Variants in PCDH9 observed in about 807,000 individuals in gnomAD.
PCDH9 encodes protocadherin 9.
PCDH9 carries 24 observed loss-of-function variants against 70.6 expected under a neutral mutation model. The ratio of observed to expected loss-of-function variants is 0.34; its 90% CI spans 0.25 to 0.48. PCDH9 has a LOEUF of 0.48. Among genes scored for constraint, PCDH9 ranks in the 20% least tolerant of loss-of-function variants. The probability of loss-of-function intolerance (pLI) is 0.99; values close to 1 mark genes in which losing one functional copy is unlikely to be tolerated. For missense variants in PCDH9, 1,281 were observed against 1,503.6 expected (o/e 0.85, Z 2.45); for synonymous variants, 562 against 558.5 (o/e 1.01, Z -0.09).
At chr13:66,878,191 A>G (rs2081853554) in intron 3 of PCDH9, among the ~76,000 whole-genome samples, 1 of 151,794 alleles carries the variant, frequency 6.6e-6, no homozygotes, top group South Asian at 2.1e-4. Context: ...GGGCCGTGGG[A>G]CTAATTTTTT....
At chr13:66,434,220 A>AT (rs768715814) in intron 4 of PCDH9, among the ~76,000 whole-genome samples, 1 of 151,930 alleles carries the variant, frequency 6.6e-6, no homozygotes, top group Non-Finnish European at 1.5e-5. Flanking sequence ...TTATGGTATG[A>AT]TTTTACATGA....
chr13:66,568,464 C>T (rs1056501782), intron 4 of PCDH9, among the ~76,000 whole-genome samples: 12 of 148,724 alleles, frequency 8.1e-5, no homozygotes, highest in Non-Finnish European at 1.6e-4. Context: ...CACTGATAAA[C>T]TGACTCAAAA....
chr13:66,642,573 T>G (rs993798903), intron 3 of PCDH9, among the ~76,000 whole-genome samples: 2 of 152,076 alleles, frequency 1.3e-5, no homozygotes, highest in Non-Finnish European at 2.9e-5. Context: ...TTTATGGTTT[T>G]GAATTGTTTT....
chr13:66,566,423 C>T (rs1195156415), intron 4 of PCDH9, among the ~76,000 whole-genome samples: 2 of 152,094 alleles, frequency 1.3e-5, no homozygotes, highest in East Asian at 1.9e-4. Flanking sequence ...AGAAGCAAGT[C>T]TCCCTTAGAT....
chr13:67,116,075 T>C (rs1200195364), intron 2 of PCDH9, among the ~76,000 whole-genome samples: 3 of 152,170 alleles, frequency 2.0e-5, no homozygotes, highest in African/African-American at 7.2e-5. Context: ...CATAACTTCC[T>C]TATATTTTAA....
chr13:66,721,421 T>G (rs1381145499), intron 3 of PCDH9, among the ~76,000 whole-genome samples: 3 of 152,200 alleles, frequency 2.0e-5, no homozygotes, highest in Non-Finnish European at 4.4e-5. Context: ...TTTATCTTAG[T>G]TTAGTCTAGT....
intron 3 of PCDH9, among the ~76,000 whole-genome samples, chr13:66,761,144 A>G (rs2079620850): frequency 6.8e-6 from 1 of 146,986 alleles, no homozygotes; most frequent in Non-Finnish European, 1.5e-5. Context: ...CTATTCGTAC[A>G]CTCCCTCCCC....
intron 2 of PCDH9, among the ~76,000 whole-genome samples, chr13:67,200,621 G>A (rs1282019830): frequency 6.6e-6 from 1 of 152,064 alleles, no homozygotes; most frequent in Admixed American, 6.6e-5. Context: ...AAATACATTT[G>A]TAAATTGAGC....
At chr13:66,439,011 A>T (rs1178606938) in intron 4 of PCDH9, among the ~76,000 whole-genome samples, 1 of 152,200 alleles carries the variant, frequency 6.6e-6, no homozygotes, top group Non-Finnish European at 1.5e-5. Flanking sequence ...AAATTTAAGT[A>T]GGTCTGATGG....
chr13:66,853,408 A>C (rs1425004465), intron 3 of PCDH9, among the ~76,000 whole-genome samples: 1 of 151,976 alleles, frequency 6.6e-6, no homozygotes, highest in African/African-American at 2.4e-5. Flanking sequence ...CTGGAGTCCC[A>C]TCCATTTCCT....
At chr13:66,918,154 G>A (rs532716398) in intron 2 of PCDH9, among the ~76,000 whole-genome samples, 5 of 151,348 alleles carry the variant, frequency 3.3e-5, no homozygotes, top group African/African-American at 4.8e-5. Flanking sequence ...TACAAGTTGC[G>A]AAGATACAGT....
chr13:66,549,955 A>C (rs1404528853), intron 4 of PCDH9, among the ~76,000 whole-genome samples: 1 of 152,152 alleles, frequency 6.6e-6, no homozygotes, highest in Non-Finnish European at 1.5e-5. Context: ...TCTTGAATAG[A>C]AAACAAACTT....
At chr13:66,884,468 G>A (rs1314082073) in intron 3 of PCDH9, among the ~76,000 whole-genome samples, 1 of 152,170 alleles carries the variant, frequency 6.6e-6, no homozygotes, top group Non-Finnish European at 1.5e-5. Flanking sequence ...AGAATCTTGT[G>A]AGTTAGGCTG....
chr13:66,670,134 G>GT (rs1157384186), intron 3 of PCDH9, among the ~76,000 whole-genome samples: 1 of 151,958 alleles, frequency 6.6e-6, no homozygotes, highest in African/African-American at 2.4e-5. Flanking sequence ...TATGCGTTCA[G>GT]TTTTTTTAAA....
At chr13:66,740,309 C>T (rs1328874384) in intron 3 of PCDH9, among the ~76,000 whole-genome samples, 1 of 107,182 alleles carries the variant, frequency 9.3e-6, no homozygotes, top group Non-Finnish European at 2.0e-5. Flanking sequence ...AAAGACACAA[C>T]ATACCAGAAT....
At chr13:66,865,240 G>A (rs2081553148) in intron 3 of PCDH9, among the ~76,000 whole-genome samples, 3 of 152,074 alleles carry the variant, frequency 2.0e-5, no homozygotes, top group South Asian at 4.1e-4. Context: ...ATTAAAATCC[G>A]TTGTACTCAT....
intron 3 of PCDH9, among the ~76,000 whole-genome samples, chr13:66,864,842 C>T (rs2081543875): frequency 6.6e-6 from 1 of 152,138 alleles, no homozygotes; most frequent in East Asian, 1.9e-4. Context: ...GAAAGCTGAC[C>T]AGTTGCCTGG....
At chr13:66,664,664 CTA>C (rs2078068190) in intron 3 of PCDH9, among the ~76,000 whole-genome samples, 1 of 152,150 alleles carries the variant, frequency 6.6e-6, no homozygotes, top group Non-Finnish European at 1.5e-5. Context: ...CTCCTTTAAA[CTA>C]TGATATATAT....
chr13:66,971,587 G>A (rs2083523779), intron 2 of PCDH9, among the ~76,000 whole-genome samples: 1 of 151,952 alleles, frequency 6.6e-6, no homozygotes, highest in African/African-American at 2.4e-5. Context: ...TTATATGCTT[G>A]TGTAAGGTTT....
Sources: allele counts gnomAD v4.1 joint callset (sites outside exome capture counted in the v4.1 genomes callset), GRCh38; gene constraint gnomAD v4.1.1; transcripts MANE v1.5; gene names NCBI Gene and HGNC (gene_info 2026-07-23, HGNC 2026-07-21).